RNF130: variants seen among roughly 807,000 people sequenced by gnomAD.
RNF130 encodes the protein E3 ubiquitin-protein ligase RNF130.
In RNF130, 21 loss-of-function variants were observed where a neutral mutation model predicts 44.6. The observed-to-expected ratio is 0.47, with a 90% CI of 0.33 to 0.68. The LOEUF (loss-of-function observed/expected upper bound fraction) is 0.68. Among genes scored for constraint, RNF130 ranks in the 30% least tolerant of loss-of-function variants. RNF130 has a pLI of 0.02. For missense variants in RNF130, 479 were observed against 560.6 expected (o/e 0.85, Z 1.47); for synonymous variants, 214 against 210.4 (o/e 1.02, Z -0.15).
chr5:179,999,866 A>G (rs763616345), intron 3 of RNF130, among the ~76,000 whole-genome samples: 20 of 152,236 alleles, frequency 1.3e-4, no homozygotes, highest in Non-Finnish European at 1.8e-4. Flanking sequence ...TATTACTGGT[A>G]GGTGAGGACT....
chr5:179,954,208 T>C (rs777745024), downstream of RNF130, among the ~76,000 whole-genome samples: 3 of 152,106 alleles, frequency 2.0e-5, no homozygotes, highest in Non-Finnish European at 4.4e-5. Context: ...AAGTTAAACA[T>C]AGAGTTATAA....
intron 7 of RNF130, among the ~76,000 whole-genome samples, chr5:179,965,072 G>A (rs574309239): frequency 6.6e-6 from 1 of 152,302 alleles, no homozygotes; most frequent in East Asian, 1.9e-4. Context: ...AGACTACCTT[G>A]TAGAACTTCG....
At chr5:179,943,374 C>A (rs889071906) in intron 7 of RNF130, among the ~76,000 whole-genome samples, 3 of 152,146 alleles carry the variant, frequency 2.0e-5, no homozygotes, top group African/African-American at 7.2e-5. Flanking sequence ...ACAGAGACTG[C>A]CAGGAGAGGT....
intron 7 of RNF130, among the ~76,000 whole-genome samples, chr5:179,946,944 T>G (rs180844473): frequency 6.6e-6 from 1 of 152,132 alleles, no homozygotes; most frequent in Non-Finnish European, 1.5e-5. Context: ...TAGCTCCCGT[T>G]ATTTCTACCT....
chr5:179,995,964 A>C (rs868119964), intron 3 of RNF130, among the ~76,000 whole-genome samples: 9 of 152,170 alleles, frequency 5.9e-5, no homozygotes, highest in Non-Finnish European at 7.4e-5. Flanking sequence ...TGGGGGAAAA[A>C]CCCATACAAA....
At position 180,000,477 on chromosome 5, in the gene RNF130, A is replaced by AT. The variant is rs1478771745; in HGVS notation, c.693+12583dup. Among the ~76,000 whole-genome samples, 4 of 152,166 alleles carry AT rather than the reference A, an allele frequency of 2.6e-5. 1 individual carries two copies. The highest frequency in any genetic ancestry group is 3.8e-4 in the East Asian group (2 of 5,202). On this transcript the variant is annotated intron_variant, in intron 3 of 8. Transcript: ENST00000521389. ...GAAGTTTTCAGATTTTATCACATAGATTTTTTAATGCCTTTCCCCTTCTCT... is the reference window on the plus strand; with the variant it reads ...GAAGTTTTCAGATTTTATCACATAGATTTTTTTAATGCCTTTCCCCTTCTCT...
intron 8 of RNF130, chr5:179,956,040 C>T (rs138030477): frequency 1.7e-4 from 31 of 184,924 alleles, no homozygotes; most frequent in African/African-American, 7.0e-4. Context: ...AAATGCTCCT[C>T]TTACCTCTCA....
At chr5:179,973,940 A>G (rs545484230) in intron 5 of RNF130, among the ~76,000 whole-genome samples, 1 of 152,272 alleles carries the variant, frequency 6.6e-6, no homozygotes, top group South Asian at 2.1e-4. Context: ...AGAACATGAA[A>G]GGAACAAACC....
rs1762989294 is a variant in RNF130 at position 179,987,825 on chromosome 5, T to C, written c.694-7625A>G. On this transcript the variant is annotated intron_variant, in intron 3 of 8. Transcript: ENST00000521389. Reference sequence around the variant, plus strand: ...TATCCCCGGGACAAATCCCACGTTATATTGCTGTATTATCTTTTTGATGTG... The same window carrying C: ...TATCCCCGGGACAAATCCCACGTTACATTGCTGTATTATCTTTTTGATGTG... Among the ~76,000 whole-genome samples, 8 of 152,332 alleles carry C rather than the reference T, an allele frequency of 5.3e-5. No homozygotes were observed. In the South Asian group the frequency reaches 1.7e-3, roughly 32 times the overall value.
chr5:179,978,162 C>T, intron 5 of RNF130, 41 bp downstream of exon 5: 3 of 1,514,334 alleles, frequency 2.0e-6, no homozygotes, highest in Non-Finnish European at 2.8e-6. Flanking sequence ...ATACAAAGCA[C>T]ATTAATATCA....
At chr5:179,918,262 C>G (rs1761581130) in exon 8 of RNF130, 1 of 152,126 alleles carries the variant, frequency 6.6e-6, no homozygotes, top group African/African-American at 2.4e-5. Context: ...CCCAGAAATT[C>G]AAATGTTATA....
At chr5:180,008,757 G>A (rs1424522491) in intron 3 of RNF130, among the ~76,000 whole-genome samples, 2 of 151,978 alleles carry the variant, frequency 1.3e-5, no homozygotes, top group South Asian at 2.1e-4. Context: ...GGTGGCATGC[G>A]CCTGTAATCG....
At chr5:179,954,725 A>C (rs1275976951), downstream of RNF130, among the ~76,000 whole-genome samples, 1 of 152,232 alleles carries the variant, frequency 6.6e-6, no homozygotes, top group Non-Finnish European at 1.5e-5. Flanking sequence ...TTACATTTTG[A>C]TTGCAAAAAT....
chr5:180,026,286 C>T (rs1477031128), intron 2 of RNF130, among the ~76,000 whole-genome samples: 3 of 152,182 alleles, frequency 2.0e-5, no homozygotes, highest in Non-Finnish European at 2.9e-5. Context: ...GATAAAACTA[C>T]AGCTAATTCT....
intron 2 of RNF130, among the ~76,000 whole-genome samples, chr5:180,030,420 A>G (rs1353786331): frequency 6.6e-6 from 1 of 152,208 alleles, no homozygotes; most frequent in East Asian, 1.9e-4. Flanking sequence ...GTAAGTGTAC[A>G]ATGAGTAAAA....
At chr5:180,049,648 T>G (rs1188721308) in intron 1 of RNF130, among the ~76,000 whole-genome samples, 1 of 152,218 alleles carries the variant, frequency 6.6e-6, no homozygotes, top group Non-Finnish European at 1.5e-5. Context: ...TATTTACTCC[T>G]GCACTTAACA....
At chr5:179,943,151 C>T (rs777452806) in intron 7 of RNF130, among the ~76,000 whole-genome samples, 3 of 152,136 alleles carry the variant, frequency 2.0e-5, no homozygotes, top group African/African-American at 7.2e-5. Context: ...GCTGAGATCG[C>T]GCCACTGCAC....
rs192562280 is a variant in RNF130, at chr5:179,993,344, T to G, written c.694-13144A>C. Among the ~76,000 whole-genome samples the G allele has an allele frequency of 2.6e-5, 4 of 152,324 alleles. No individual in the cohort carries two copies. In the East Asian group the frequency reaches 7.7e-4, roughly 29 times the overall value. On this transcript the variant is annotated intron_variant, in intron 3 of 8. Coordinates refer to ENST00000521389, the MANE Select transcript of RNF130 (RefSeq NM_018434.6). ...AACTAGTTTACAGTCCCACCAACAG[T>G]GTAGAAGTGTTCCTATTTCTCCACA...
chr5:179,921,081 C>T (rs1761625786), intron 7 of RNF130, among the ~76,000 whole-genome samples: 1 of 152,098 alleles, frequency 6.6e-6, no homozygotes, highest in South Asian at 2.1e-4. Flanking sequence ...GCTGTGCTTA[C>T]ATTTCCTTTT....
Sources: gnomAD v4.1 joint callset for allele counts (sites outside exome capture counted in the v4.1 genomes callset) on GRCh38, gnomAD v4.1.1 for gene constraint, MANE v1.5 for transcripts, NCBI Gene and HGNC (gene_info 2026-07-23, HGNC 2026-07-21) for gene names.